DCC: variants seen among roughly 807,000 people sequenced by gnomAD.
DCC encodes netrin receptor DCC.
A neutral mutation model predicts 172.5 loss-of-function variants in DCC; 58 were observed. The observed-to-expected ratio is 0.34, with a 90% CI of 0.27 to 0.42. The LOEUF (loss-of-function observed/expected upper bound fraction) is 0.42, where lower values mean the gene tolerates loss of function less well. DCC is among the 10% of genes least tolerant of loss of function. DCC has a pLI of 1.00. For missense variants in DCC, 1,740 were observed against 1,791.0 expected (o/e 0.97, Z 0.51); for synonymous variants, 709 against 644.5 (o/e 1.10, Z -1.52).
chr18:53,450,743 T>C (rs2045401087), intron 23 of DCC, 81 bp downstream of exon 23: 2 of 1,178,672 alleles, frequency 1.7e-6, no homozygotes, highest in Non-Finnish European at 2.5e-6. Context: ...TTCTGCGTTC[T>C]TTCATAATTC....
chr18:52,551,967 G>T (rs573454130), intron 1 of DCC, among the ~76,000 whole-genome samples: 1 of 151,958 alleles, frequency 6.6e-6, no homozygotes, highest in African/African-American at 2.4e-5. Context: ...GATTTGGTGT[G>T]GGGGGTATTG....
At chr18:52,683,968 T>C (rs2035789582) in intron 1 of DCC, among the ~76,000 whole-genome samples, 2 of 152,132 alleles carry the variant, frequency 1.3e-5, no homozygotes, top group Admixed American at 1.3e-4. Flanking sequence ...GAACCTCTAG[T>C]TTCCAAGTTG....
At chr18:52,848,278 G>C (rs2038926602) in intron 2 of DCC, among the ~76,000 whole-genome samples, 1 of 151,796 alleles carries the variant, frequency 6.6e-6, no homozygotes, top group Non-Finnish European at 1.5e-5. Context: ...GTAAAGATGG[G>C]GTTTTGCCAT....
chr18:53,081,498 T>A (rs987497768), intron 7 of DCC, among the ~76,000 whole-genome samples: 1 of 151,928 alleles, frequency 6.6e-6, no homozygotes, highest in East Asian at 1.9e-4. Flanking sequence ...TAATGTCTTA[T>A]CTTTGAGTGA....
intron 12 of DCC, among the ~76,000 whole-genome samples, chr18:53,279,650 A>T (rs918800132): frequency 7.4e-4 from 89 of 120,036 alleles, no homozygotes; most frequent in African/African-American, 3.6e-3. Flanking sequence ...AGTATAATAA[A>T]AAAAAAAAAA....
At chr18:53,093,927 T>C (rs1278960245) in intron 7 of DCC, among the ~76,000 whole-genome samples, 1 of 152,194 alleles carries the variant, frequency 6.6e-6, no homozygotes, top group Non-Finnish European at 1.5e-5. Context: ...GTTTCCTGGC[T>C]GTTTCCTTGG....
intron 5 of DCC, among the ~76,000 whole-genome samples, chr18:52,937,134 T>A (rs1376034266): frequency 1.3e-5 from 2 of 152,090 alleles, no homozygotes; most frequent in East Asian, 3.9e-4. Context: ...ATTCCACCCG[T>A]GGTATATGAG....
chr18:52,940,280 G>A (rs973548153), intron 5 of DCC, among the ~76,000 whole-genome samples: 1 of 152,002 alleles, frequency 6.6e-6, no homozygotes, highest in East Asian at 1.9e-4. Flanking sequence ...ATAAGGGAGG[G>A]GCATCATGAT....
intron 1 of DCC, among the ~76,000 whole-genome samples, chr18:52,477,719 A>T (rs1205592213): frequency 6.6e-6 from 1 of 152,162 alleles, no homozygotes; most frequent in Non-Finnish European, 1.5e-5. Context: ...CACAGGTTCT[A>T]TTGAGCAATT....
At chr18:53,069,983 CTTT>C (rs553792868) in intron 7 of DCC, among the ~76,000 whole-genome samples, 3 of 139,072 alleles carry the variant, frequency 2.2e-5, no homozygotes, top group Admixed American at 7.2e-5. Flanking sequence ...GAAGATAAAG[CTTT>C]TTTTTTTTTT....
At chr18:52,488,944 CCGCCTCTTCCCCCTTCTTCTCTT>C (rs1427166454) in intron 1 of DCC, among the ~76,000 whole-genome samples, 2 of 152,028 alleles carry the variant, frequency 1.3e-5, no homozygotes. Context: ...CCACCTTTCC[CCGCCTCTTCCCCCTTCTTCTCTT>C]CACTCTTTTT....
At chr18:52,541,875 G>GTATATATATATATATATATATATATA (rs765428849) in intron 1 of DCC, among the ~76,000 whole-genome samples, 17 of 115,174 alleles carry the variant, frequency 1.5e-4, no homozygotes, top group Middle Eastern at 4.8e-3. Flanking sequence ...GTGTGTGTGT[G>GTATATATATATATATATATATATATA]TATATATATA....
At chr18:52,472,060 A>G (rs1213637336) in intron 1 of DCC, among the ~76,000 whole-genome samples, 2 of 152,148 alleles carry the variant, frequency 1.3e-5, no homozygotes, top group Non-Finnish European at 2.9e-5. Context: ...TGGAGTCTTT[A>G]TTAACTAGAT....
chr18:53,519,586 C>G (rs2046377195), intron 27 of DCC, among the ~76,000 whole-genome samples: 2 of 150,880 alleles, frequency 1.3e-5, no homozygotes, highest in South Asian at 4.2e-4. Flanking sequence ...TGGGAGAGAT[C>G]CCAGAGGATG....
rs1987580588 is a variant in DCC, at chr18:52,430,364, A to G, written c.91+89486A>G. On this transcript the variant is annotated intron_variant, in intron 1 of 28. Transcript: ENST00000442544. Reference sequence around the variant, plus strand: ...ACGGTGGTGAGGGAGAAAAAAAAAGATGTGAATGCAACATACTTTTACAGT... The same window carrying G: ...ACGGTGGTGAGGGAGAAAAAAAAAGGTGTGAATGCAACATACTTTTACAGT... Among the ~76,000 whole-genome samples the G allele has an allele frequency of 2.7e-5, 4 of 149,448 alleles. No individual in the cohort carries two copies. The Admixed American group carries it at 2.7e-4, about 10-fold the overall frequency.
chr18:53,109,393 T>C (rs1187154192), intron 7 of DCC, among the ~76,000 whole-genome samples: 1 of 151,666 alleles, frequency 6.6e-6, no homozygotes, highest in Non-Finnish European at 1.5e-5. Context: ...GTTCTAAAAC[T>C]TCAATATTTA....
chr18:53,136,215 A>C (rs1426496974), intron 7 of DCC, among the ~76,000 whole-genome samples: 8 of 151,848 alleles, frequency 5.3e-5, no homozygotes, highest in South Asian at 2.1e-4. Flanking sequence ...CTATCTATAT[A>C]TATATACACA....
chr18:53,305,733 T>C lies in DCC; in HGVS notation c.2053+14T>C. On this transcript the variant is annotated intron_variant, in intron 13 of 28. Transcript: ENST00000442544. ...ACCTATTCACAGGTCAGTGTTCACA[T>C]GGTGTAGTCTTGCAAGGTTTTGATG... 1 of 1,613,040 alleles carries C rather than the reference T, an allele frequency of 6.2e-7. No homozygotes were observed. Among genetic ancestry groups the C allele is most frequent in the Non-Finnish European group, 8.5e-7 (1 of 1,179,016 alleles).
chr18:53,174,371 A>G (rs2055058063), intron 8 of DCC, among the ~76,000 whole-genome samples: 1 of 151,726 alleles, frequency 6.6e-6, no homozygotes, highest in Admixed American at 6.6e-5. Context: ...AAACCCTTCA[A>G]AAAATTAATC....
Sources: gnomAD v4.1 joint callset for allele counts (sites outside exome capture counted in the v4.1 genomes callset) on GRCh38, gnomAD v4.1.1 for gene constraint, MANE v1.5 for transcripts, NCBI Gene and HGNC (gene_info 2026-07-23, HGNC 2026-07-21) for gene names.